The following GALNT9 variants were observed in gnomAD, a reference collection of about 807,000 sequenced individuals.
The protein encoded by GALNT9 is polypeptide N-acetylgalactosaminyltransferase 9, also known as GalNAc transferase 9.
Under a neutral mutation model 63.1 loss-of-function variants are expected in GALNT9, and 47 were observed. The ratio of observed to expected loss-of-function variants is 0.75; its 90% CI spans 0.59 to 0.95. The LOEUF is 0.95. Ranked by LOEUF, GALNT9 falls within the 40% of genes least tolerant of loss-of-function variation. The pLI is 0.00. For synonymous variants in GALNT9, 396 were observed against 365.7 expected, an observed-to-expected ratio of 1.08 and a Z score of -0.94; for missense variants, 829 against 874.8, an observed-to-expected ratio of 0.95 and a Z score of 0.66.
In GALNT9 at chr12:132,209,977, C is replaced by T. The variant is rs115272997; in HGVS notation, c.1078-6287G>A. Among the ~76,000 whole-genome samples the T allele has an allele frequency of 4.0e-3, 603 of 152,346 alleles. 3 individuals carry two copies. The highest frequency in any genetic ancestry group is 0.014 in the African/African-American group (571 of 41,578). On this transcript the variant is annotated intron_variant, in intron 6 of 10. Coordinates refer to ENST00000328957, the MANE Select transcript of GALNT9 (RefSeq NM_001122636.2). ...TTCACTTTACTCTGTGGACTCGCCCCGAATTCTGCCTTGTACAAGATCCAA... is the reference window on the plus strand; with the variant it reads ...TTCACTTTACTCTGTGGACTCGCCCTGAATTCTGCCTTGTACAAGATCCAA...
rs1019663068 is a variant in GALNT9 at position 132,286,476 on chromosome 12, T to G, written c.239-46A>C. On this transcript the variant is annotated intron_variant, in intron 1 of 10. Transcript: ENST00000328957. This position sits in a 1 kb window ranked among gnomAD's most constrained non-coding sequence, Gnocchi z 7.4. ...GAGGTCAGGCAGGCCCAGGACACGC[T>G]GCGTCTGCACCCAGGAGACGCCCCT... 2.0e-5 allele frequency: 30 copies of G among 1,516,800 alleles called. No homozygotes were observed. In the African/African-American group the frequency reaches 3.2e-4, roughly 16 times the overall value. 94.0% of individuals were successfully genotyped at this position (1,516,800 alleles called of 1,614,324 possible). A position where few individuals can be genotyped will look rare whatever the true frequency, so the allele number is the denominator to read the frequency against.
rs572348180 is a variant in GALNT9 at position 132,199,034 on chromosome 12, C to T, written c.1497+140G>A. On this transcript the variant is annotated intron_variant, in intron 9 of 10. Transcript: ENST00000328957. ...CTCTTCTAGAGGGGCCCTCAGGCTG[C>T]TCCAAGCCCTGGAATGCAGCCCTGG... The T allele has an allele frequency of 8.3e-6, 5 of 600,044 alleles. No individual in the cohort carries two copies. The Admixed American group carries it at 1.4e-4, about 17-fold the overall frequency. The allele number at this position is 600,044 out of a possible 1,614,324, so 37.2% of individuals were successfully genotyped here.
chr12:132,203,234 G>T (rs1245595737), intron 7 of GALNT9, among the ~76,000 whole-genome samples: 1 of 152,154 alleles, frequency 6.6e-6, no homozygotes, highest in African/African-American at 2.4e-5. Context: ...TCTAACCACG[G>T]GGCAATTGCT....
rs1258169134 is a variant in GALNT9 at position 132,329,154 on chromosome 12, A to G, written c.50T>C (p.Val17Ala). 12 of 1,549,182 alleles carry G rather than the reference A, an allele frequency of 7.7e-6. No individual in the cohort carries two copies. The highest frequency in any genetic ancestry group is 1.0e-5 in the Non-Finnish European group (12 of 1,146,312). Residue 17 changes from valine (V) to alanine (A), a missense_variant, in exon 1 of 11, where the codon GTG becomes GCG. By Grantham distance (64) the Val-to-Ala change is moderately conservative. Coordinates refer to ENST00000328957, the MANE Select transcript of GALNT9 (RefSeq NM_001122636.2). ...IRTLLTVNIL[V>A]FVGIVLFSVY... ...GGAGAACAGGACGATGCCCACGAACACCAGGATGTTCACCGTCAGCAAAGT... is the reference window on the plus strand; with the variant it reads ...GGAGAACAGGACGATGCCCACGAACGCCAGGATGTTCACCGTCAGCAAAGT...
At chr12:132,324,612 G>A (rs1868954424) in intron 1 of GALNT9, among the ~76,000 whole-genome samples, 1 of 152,206 alleles carries the variant, frequency 6.6e-6, no homozygotes, top group African/African-American at 2.4e-5. Context: ...CAGTCTGCCT[G>A]CTGCTGAAGC....
At position 132,286,364 on chromosome 12, in the gene GALNT9, G is replaced by A; in HGVS notation, c.305C>T (p.Thr102Ile). The A allele has an allele frequency of 6.4e-7, 1 of 1,550,902 alleles. No individual in the cohort carries two copies. The highest frequency in any genetic ancestry group is 8.7e-7 in the Non-Finnish European group (1 of 1,146,868). ...GGLGQGGLAA[T>I]LRDDGQEAEG... The stretch of plus-strand genomic sequence containing the variant: ...CGCCTCCTGGCCGTCATCACGCAGG[G>A]TGGCCGCCAAGCCACCCTGGCCCAG... The change falls in exon 2 of 11, where the codon ACC (threonine) becomes ATC (isoleucine). Residue 102 changes from threonine to isoleucine, a missense_variant. By Grantham distance (89) the Thr-to-Ile change is moderately conservative. Transcript: ENST00000328957. This position sits in a 1 kb window ranked among gnomAD's most constrained non-coding sequence, Gnocchi z 7.4.
chr12:132,244,053 C>T (rs1002166911), intron 6 of GALNT9, among the ~76,000 whole-genome samples: 5 of 150,480 alleles, frequency 3.3e-5, no homozygotes, highest in African/African-American at 4.9e-5. Flanking sequence ...GGGGCGGCAA[C>T]GTGCAGTTCT....
chr12:132,324,494 C>T (rs960377268), intron 1 of GALNT9, among the ~76,000 whole-genome samples: 1 of 152,242 alleles, frequency 6.6e-6, no homozygotes, highest in African/African-American at 2.4e-5. Context: ...TCCGAGACCC[C>T]GGACCAGCGG....
intron 2 of GALNT9, among the ~76,000 whole-genome samples, chr12:132,263,976 A>G (rs186954021): frequency 1.6e-4 from 25 of 152,300 alleles, no homozygotes; most frequent in Non-Finnish European, 3.4e-4. Context: ...AGCAAGGACA[A>G]GTGATTTATG....
chr12:132,321,363 C>T (rs1339363928), intron 1 of GALNT9, among the ~76,000 whole-genome samples: 2 of 152,278 alleles, frequency 1.3e-5, no homozygotes, highest in East Asian at 1.9e-4. Flanking sequence ...CTGGCAGATC[C>T]GAGTGAAACT....
intron 2 of GALNT9, among the ~76,000 whole-genome samples, chr12:132,271,638 G>A (rs991985217): frequency 4.6e-5 from 7 of 152,146 alleles, no homozygotes; most frequent in East Asian, 1.9e-4. Flanking sequence ...CACAAACGGC[G>A]TTGGGGCAGC....
rs1470097071 is a variant in GALNT9, at chr12:132,316,610, G to A, written c.238+12356C>T. On this transcript the variant is annotated intron_variant, in intron 1 of 10. Transcript: ENST00000328957. This position sits in a 1 kb window ranked among gnomAD's most constrained non-coding sequence, Gnocchi z 4.3. ...CTCCCGGGTCCTCATCCCTCCTCCT[G>A]CCAGGGTGTGTCCCTGCTCTCTTTC... 3.3e-5 allele frequency among the ~76,000 whole-genome samples: 5 copies of A among 151,912 alleles called. No homozygotes were observed. Among genetic ancestry groups the A allele is most frequent in the African/African-American group, 1.2e-4 (5 of 41,308 alleles).
intron 2 of GALNT9, among the ~76,000 whole-genome samples, chr12:132,267,805 TCA>T (rs797031416): frequency 2.5e-5 from 2 of 79,028 alleles, no homozygotes; most frequent in African/African-American, 1.3e-4. Context: ...TCACACGCAC[TCA>T]CACACGCACT....
chr12:132,316,657 C>T lies in GALNT9; in HGVS notation c.238+12309G>A, dbSNP rs748121595. ...TTTCCTCCGCTTCAGCAAATTCCCC[C>T]GTGCTCTGTGTAGTCCCTCAGCCAC... On this transcript the variant is annotated intron_variant, in intron 1 of 10. Coordinates refer to ENST00000328957, the MANE Select transcript of GALNT9 (RefSeq NM_001122636.2). The surrounding 1 kb of genome is among the most constrained non-coding windows in gnomAD (Gnocchi z 4.3). 1.1e-4 allele frequency among the ~76,000 whole-genome samples: 16 copies of T among 152,110 alleles called. No homozygotes were observed. Among genetic ancestry groups the T allele is most frequent in the Admixed American group, 8.5e-4 (13 of 15,294 alleles).
intron 2 of GALNT9, among the ~76,000 whole-genome samples, chr12:132,285,709 C>T (rs1397285984): frequency 6.6e-6 from 1 of 152,250 alleles, no homozygotes; most frequent in Admixed American, 6.5e-5. Flanking sequence ...CTGCGTGAGC[C>T]ATGGTGCCTC....
At chr12:132,206,554 T>G (rs1425943640) in intron 6 of GALNT9, among the ~76,000 whole-genome samples, 5 of 150,262 alleles carry the variant, frequency 3.3e-5, no homozygotes, top group Non-Finnish European at 7.4e-5. Flanking sequence ...GGCTGAAACA[T>G]GAGAATCTCT....
intron 6 of GALNT9, among the ~76,000 whole-genome samples, chr12:132,240,172 G>A (rs1236022915): frequency 2.6e-5 from 4 of 152,178 alleles, no homozygotes; most frequent in African/African-American, 4.8e-5. Context: ...TTTAGGGGAC[G>A]TTGCTTGAGA....
At chr12:132,220,189 T>A (rs758413740) in intron 6 of GALNT9, among the ~76,000 whole-genome samples, 1 of 151,674 alleles carries the variant, frequency 6.6e-6, no homozygotes, top group Non-Finnish European at 1.5e-5. Context: ...AGCCCAGGAG[T>A]TGGAGGCTGC....
At chr12:132,291,523 A>C in intron 1 of GALNT9, among the ~76,000 whole-genome samples, 1 of 147,836 alleles carries the variant, frequency 6.8e-6, no homozygotes, top group East Asian at 2.0e-4. Context: ...ACCCACATCC[A>C]CAGCACCCAC....
Sources: allele counts gnomAD v4.1 joint callset (sites outside exome capture counted in the v4.1 genomes callset), GRCh38; gene constraint gnomAD v4.1.1; non-coding constraint Gnocchi (gnomAD v3.1); transcripts MANE v1.5; gene names NCBI Gene and HGNC (gene_info 2026-07-23, HGNC 2026-07-21).